Variants in CDH12 observed in about 807,000 individuals in gnomAD.
CDH12 encodes cadherin 12.
In CDH12, 41 loss-of-function variants were observed where a neutral mutation model predicts 74.1. The ratio of observed to expected loss-of-function variants is 0.55; its 90% CI spans 0.43 to 0.72. The LOEUF is 0.72. Ranked by LOEUF, CDH12 falls within the 30% of genes least tolerant of loss-of-function variation. The pLI is 0.00. For missense variants in CDH12, 945 were observed against 977.2 expected (o/e 0.97, Z 0.44); for synonymous variants, 399 against 355.0 (o/e 1.12, Z -1.39).
chr5:22,427,120 T>A (rs552733511), intron 2 of CDH12, among the ~76,000 whole-genome samples: 1 of 152,244 alleles, frequency 6.6e-6, no homozygotes, highest in South Asian at 2.1e-4. Context: ...GGGTGAAGAT[T>A]AAGTCACTAT....
intron 4 of CDH12, among the ~76,000 whole-genome samples, chr5:22,151,113 G>A (rs1747550501): frequency 1.3e-5 from 2 of 152,128 alleles, no homozygotes; most frequent in Admixed American, 6.6e-5. Flanking sequence ...TACCTGCCAT[G>A]AGTCTATCCA....
In CDH12 at chr5:22,593,036, GA is replaced by G. The variant is rs11420428; in HGVS notation, c.-522-87673del. Among the ~76,000 whole-genome samples the G allele has an allele frequency of 2.3e-3, 258 of 110,468 alleles. 2 individuals are homozygous for G. In the Middle Eastern group the frequency reaches 0.026, roughly 11 times the overall value. The allele number at this position is 110,468 out of a possible 152,430, so 72.5% of individuals were successfully genotyped here. On this transcript the variant is annotated intron_variant, in intron 1 of 14. Transcript: ENST00000382254. Reference sequence around the variant, plus strand: ...CAGAGAGAGACTCCATCTCAAAAAAGAAAAAAAAAAAAAAAAGGAAAAGGAA... The same window carrying G: ...CAGAGAGAGACTCCATCTCAAAAAAGAAAAAAAAAAAAAAAGGAAAAGGAA...
intron 1 of CDH12, among the ~76,000 whole-genome samples, chr5:22,621,204 T>C (rs1362116979): frequency 6.6e-6 from 1 of 152,188 alleles, no homozygotes; most frequent in African/African-American, 2.4e-5. Flanking sequence ...CTTTCACTTA[T>C]AGCACCTTTG....
intron 6 of CDH12, among the ~76,000 whole-genome samples, chr5:21,906,115 T>G (rs1367535766): frequency 1.3e-5 from 2 of 152,196 alleles, no homozygotes; most frequent in Non-Finnish European, 2.9e-5. Context: ...AATTAATATC[T>G]AAATTATTTT....
intron 1 of CDH12, among the ~76,000 whole-genome samples, chr5:22,820,301 G>A (rs1345628945): frequency 6.6e-6 from 1 of 151,988 alleles, no homozygotes; most frequent in Non-Finnish European, 1.5e-5. Context: ...GTTTGGTTTT[G>A]TCCCCAACCG....
intron 4 of CDH12, among the ~76,000 whole-genome samples, chr5:22,111,740 A>G (rs1288515135): frequency 6.6e-6 from 1 of 152,196 alleles, no homozygotes; most frequent in Non-Finnish European, 1.5e-5. Flanking sequence ...ACTGGCCAAA[A>G]GATGGCCTAC....
chr5:22,735,143 C>T (rs1744619947), intron 1 of CDH12, among the ~76,000 whole-genome samples: 1 of 151,868 alleles, frequency 6.6e-6, no homozygotes, highest in Non-Finnish European at 1.5e-5. Flanking sequence ...CTTCATTTAT[C>T]AAAGATGTTA....
intron 3 of CDH12, among the ~76,000 whole-genome samples, chr5:22,242,912 T>C (rs1752801829): frequency 6.6e-6 from 1 of 152,214 alleles, no homozygotes; most frequent in Admixed American, 6.5e-5. Flanking sequence ...TTTCGTGTTG[T>C]AGATGCTTTC....
chr5:21,783,243 C>T (rs957573089), intron 11 of CDH12, 115 bp downstream of exon 11: 130 of 883,120 alleles, frequency 1.5e-4, no homozygotes, highest in Non-Finnish European at 1.9e-4. Flanking sequence ...AGTTTCCCCG[C>T]GAGACCACTC....
chr5:21,914,843 A>T (rs944505257), intron 6 of CDH12, among the ~76,000 whole-genome samples: 1 of 152,236 alleles, frequency 6.6e-6, no homozygotes, highest in African/African-American at 2.4e-5. Context: ...CAAAGTTCTG[A>T]CATGAAATTA....
intron 1 of CDH12, among the ~76,000 whole-genome samples, chr5:22,667,920 A>C (rs1221813992): frequency 6.6e-6 from 1 of 152,300 alleles, no homozygotes; most frequent in South Asian, 2.1e-4. Flanking sequence ...AAATGTGCTT[A>C]ATATCAAAGT....
chr5:22,035,874 A>G (rs1202680918), intron 5 of CDH12, among the ~76,000 whole-genome samples: 1 of 152,168 alleles, frequency 6.6e-6, no homozygotes, highest in African/African-American at 2.4e-5. Context: ...TATGACAGCC[A>G]TTAAGCTACA....
chr5:22,088,743 C>G (rs535919340), intron 4 of CDH12, among the ~76,000 whole-genome samples: 56 of 152,246 alleles, frequency 3.7e-4, no homozygotes, highest in African/African-American at 1.3e-3. Context: ...AAGCTGGTGG[C>G]TCTGTGATAC....
chr5:22,177,226 T>C (rs973900295), intron 4 of CDH12, among the ~76,000 whole-genome samples: 1 of 152,150 alleles, frequency 6.6e-6, no homozygotes, highest in Non-Finnish European at 1.5e-5. Flanking sequence ...AATCCCATGA[T>C]TATTTTATGG....
At chr5:22,020,126 C>G (rs1166929383) in intron 5 of CDH12, among the ~76,000 whole-genome samples, 1 of 152,132 alleles carries the variant, frequency 6.6e-6, no homozygotes, top group Admixed American at 6.5e-5. Context: ...AATAATGATG[C>G]TAATTATCAT....
chr5:22,270,731 G>T (rs1736360898), intron 3 of CDH12, among the ~76,000 whole-genome samples: 1 of 151,978 alleles, frequency 6.6e-6, no homozygotes, highest in Admixed American at 6.6e-5. Flanking sequence ...GAGTGCATTA[G>T]TGCAATCTCG....
At chr5:22,458,006 G>T (rs1333525252) in intron 2 of CDH12, among the ~76,000 whole-genome samples, 1 of 152,012 alleles carries the variant, frequency 6.6e-6, no homozygotes, top group Non-Finnish European at 1.5e-5. Flanking sequence ...GCCTCCCAAA[G>T]TGCTGGGATT....
chr5:22,151,700 A>G (rs1415574168), intron 4 of CDH12, among the ~76,000 whole-genome samples: 2 of 152,210 alleles, frequency 1.3e-5, no homozygotes, highest in Non-Finnish European at 1.5e-5. Flanking sequence ...AAGACTGAAG[A>G]TTAAATATAC....
chr5:22,231,050 T>G (rs1015712095), intron 3 of CDH12, among the ~76,000 whole-genome samples: 1 of 152,168 alleles, frequency 6.6e-6, no homozygotes, highest in African/African-American at 2.4e-5. Flanking sequence ...TATATTCTTA[T>G]GCCAATGATT....
Sources: gnomAD v4.1 joint callset for allele counts (sites outside exome capture counted in the v4.1 genomes callset) on GRCh38, gnomAD v4.1.1 for gene constraint, MANE v1.5 for transcripts, NCBI Gene and HGNC (gene_info 2026-07-23, HGNC 2026-07-21) for gene names.